The following DOCK1 variants were observed in gnomAD, a reference collection of about 807,000 sequenced individuals.
DOCK1 encodes the protein dedicator of cytokinesis 1, also known as dedicator of cytokinesis protein 1.
DOCK1 carries 138 observed loss-of-function variants against 262.7 expected under a neutral mutation model. The observed-to-expected ratio is 0.53, with a 90% CI of 0.46 to 0.61. DOCK1 has a LOEUF of 0.61. Ranked by LOEUF, DOCK1 falls within the 20% of genes least tolerant of loss-of-function variation. The pLI is 0.00. For synonymous variants in DOCK1, 866 were observed against 867.4 expected, an observed-to-expected ratio of 1.00 and a Z score of 0.03; for missense variants, 1,908 against 2,370.7, an observed-to-expected ratio of 0.80 and a Z score of 4.05.
At chr10:127,118,702 C>T (rs779628618) in intron 25 of DOCK1, among the ~76,000 whole-genome samples, 6 of 152,116 alleles carry the variant, frequency 3.9e-5, no homozygotes, top group South Asian at 2.1e-4. Flanking sequence ...TGCAGATTAC[C>T]GCATTTCTAA....
chr10:127,149,709 C>CAG (rs59453664), intron 27 of DOCK1, among the ~76,000 whole-genome samples: 2 of 151,936 alleles, frequency 1.3e-5, no homozygotes. Context: ...CAGGGTATGA[C>CAG]ATTACAATGT....
At chr10:127,062,084 A>G (rs768937584) in intron 23 of DOCK1, among the ~76,000 whole-genome samples, 11 of 151,636 alleles carry the variant, frequency 7.3e-5, no homozygotes, top group Non-Finnish European at 1.6e-4. Flanking sequence ...CTACAGGCGC[A>G]TGCCACCATG....
intron 23 of DOCK1, among the ~76,000 whole-genome samples, chr10:127,075,880 T>C (rs2046502951): frequency 6.6e-6 from 1 of 152,206 alleles, no homozygotes; most frequent in Non-Finnish European, 1.5e-5. Flanking sequence ...GCTAGATTCC[T>C]GTGTGTTATT....
intron 11 of DOCK1, among the ~76,000 whole-genome samples, chr10:127,010,948 A>G (rs1392000702): frequency 1.3e-5 from 2 of 152,168 alleles, no homozygotes; most frequent in Admixed American, 6.5e-5. Context: ...AAAAACAAAA[A>G]CAAAAACAAA....
intron 43 of DOCK1, among the ~76,000 whole-genome samples, chr10:127,414,576 A>G (rs1430252597): frequency 2.0e-5 from 3 of 152,236 alleles, no homozygotes; most frequent in Non-Finnish European, 4.4e-5. Context: ...ACTAAAGCAT[A>G]TAGGTTATCA....
At chr10:127,189,030 G>A (rs2056527812) in intron 27 of DOCK1, among the ~76,000 whole-genome samples, 3 of 152,122 alleles carry the variant, frequency 2.0e-5, no homozygotes. Flanking sequence ...CCTAGGAAGC[G>A]CTCAGTACAC....
chr10:127,336,818 C>G (rs911737988), intron 29 of DOCK1, among the ~76,000 whole-genome samples: 1 of 152,144 alleles, frequency 6.6e-6, no homozygotes, highest in South Asian at 2.1e-4. Context: ...GGATTACAGG[C>G]GTGAGCCACC....
At chr10:127,255,347 C>T (rs1161492171) in intron 28 of DOCK1, among the ~76,000 whole-genome samples, 2 of 152,044 alleles carry the variant, frequency 1.3e-5, no homozygotes, top group Non-Finnish European at 2.9e-5. Flanking sequence ...CTACAGTGAA[C>T]TAAGATCGTG....
chr10:126,926,761 C>T (rs1403969726), intron 1 of DOCK1, among the ~76,000 whole-genome samples: 5 of 152,198 alleles, frequency 3.3e-5, no homozygotes, highest in African/African-American at 1.2e-4. Flanking sequence ...CGGCCGCAAG[C>T]CAAGGAGTGT....
At chr10:127,262,136 G>A (rs1489940811) in intron 29 of DOCK1, among the ~76,000 whole-genome samples, 1 of 146,588 alleles carries the variant, frequency 6.8e-6, no homozygotes, top group African/African-American at 2.5e-5. Context: ...GTGTACCCGT[G>A]CTCGTCTGTG....
At chr10:127,199,477 C>G (rs1469754472) in intron 27 of DOCK1, among the ~76,000 whole-genome samples, 1 of 152,208 alleles carries the variant, frequency 6.6e-6, no homozygotes, top group Middle Eastern at 3.2e-3. Flanking sequence ...ATAAAGATTT[C>G]TTGGTTCTTC....
chr10:127,291,002 G>A (rs562411959), intron 29 of DOCK1, among the ~76,000 whole-genome samples: 12 of 152,290 alleles, frequency 7.9e-5, no homozygotes, highest in African/African-American at 2.6e-4. Context: ...CGTCTGGGAG[G>A]CAGGACTTTA....
intron 35 of DOCK1, among the ~76,000 whole-genome samples, chr10:127,376,220 T>C (rs1289909790): frequency 6.6e-6 from 1 of 152,196 alleles, no homozygotes; most frequent in Non-Finnish European, 1.5e-5. Context: ...GTAAACTACG[T>C]AGAAACTCAC....
At chr10:127,045,152 C>T (rs907658086) in intron 21 of DOCK1, among the ~76,000 whole-genome samples, 9 of 131,798 alleles carry the variant, frequency 6.8e-5, no homozygotes, top group African/African-American at 2.0e-4. Flanking sequence ...GAGCCGAGAT[C>T]GTGCCATTGC....
At chr10:127,018,883 C>G in intron 13 of DOCK1, 48 bp downstream of exon 13, 2 of 1,604,654 alleles carry the variant, frequency 1.2e-6, no homozygotes, top group African/African-American at 1.3e-5. Flanking sequence ...TGGGGGTAGC[C>G]GGCCACGGAG....
chr10:126,961,742 C>A (rs1336469679), intron 1 of DOCK1, among the ~76,000 whole-genome samples: 2 of 152,130 alleles, frequency 1.3e-5, no homozygotes, highest in African/African-American at 2.4e-5. Flanking sequence ...GAGTAATTTA[C>A]CTGTTGATGG....
intron 3 of DOCK1, 24 bp downstream of exon 3, chr10:126,978,012 G>A (rs1281800918): frequency 4.3e-6 from 7 of 1,609,544 alleles, no homozygotes; most frequent in Non-Finnish European, 6.0e-6. Flanking sequence ...CTTAAACACA[G>A]TGCATGTCTC....
At chr10:126,968,537 A>C (rs2037849901) in intron 1 of DOCK1, among the ~76,000 whole-genome samples, 1 of 152,142 alleles carries the variant, frequency 6.6e-6, no homozygotes, top group Admixed American at 6.5e-5. Flanking sequence ...GGAGTAGGGT[A>C]TTTAGAGGTG....
intron 21 of DOCK1, among the ~76,000 whole-genome samples, chr10:127,048,407 A>G (rs534215329): frequency 6.6e-6 from 1 of 152,086 alleles, no homozygotes; most frequent in East Asian, 1.9e-4. Flanking sequence ...ACACATAAAT[A>G]TATGTATTTT....
Sources: allele counts gnomAD v4.1 joint callset (sites outside exome capture counted in the v4.1 genomes callset), GRCh38; gene constraint gnomAD v4.1.1; transcripts MANE v1.5; gene names NCBI Gene and HGNC (gene_info 2026-07-23, HGNC 2026-07-21).